Variants in MARVELD2 observed in about 807,000 individuals in gnomAD.
MARVELD2 encodes the protein MARVEL domain containing 2.
A neutral mutation model predicts 57.6 loss-of-function variants in MARVELD2; 49 were observed. The ratio of observed to expected loss-of-function variants is 0.85; its 90% CI spans 0.68 to 1.08. MARVELD2 has a LOEUF of 1.08. Among genes scored for constraint, MARVELD2 ranks in the 50% least tolerant of loss-of-function variants. The pLI is 0.00. For missense variants in MARVELD2, 606 were observed against 701.1 expected (o/e 0.86, Z 1.53); for synonymous variants, 238 against 258.8 (o/e 0.92, Z 0.77).
At chr5:69,418,043 G>A (rs975847313) in intron 1 of MARVELD2, among the ~76,000 whole-genome samples, 2 of 152,128 alleles carry the variant, frequency 1.3e-5, no homozygotes, top group African/African-American at 2.4e-5. Flanking sequence ...GGGAGATTGA[G>A]GCTGCAGTGA....
chr5:69,430,087 G>C (rs889805205), intron 3 of MARVELD2, among the ~76,000 whole-genome samples: 2 of 151,846 alleles, frequency 1.3e-5, no homozygotes, highest in African/African-American at 4.8e-5. Context: ...TTATTTTTTG[G>C]CCAGGCACTG....
chr5:69,419,844 G>A lies in MARVELD2; in HGVS notation c.459G>A (p.Val153=). 6.2e-7 allele frequency: 1 copy of A among 1,614,198 alleles called. No individual in the cohort carries two copies. Among genetic ancestry groups the A allele is most frequent in the Non-Finnish European group, 8.5e-7 (1 of 1,180,048 alleles). The change falls in exon 2 of 7, where the codon GTG becomes GTA. Residue 153 remains valine, a synonymous_variant. Transcript: ENST00000325631. ...TFSSRKEADA[V]FPRDPYGSLD... is the part of the protein sequence containing the mutation. Reference sequence around the variant, plus strand: ...GTTCCCGGAAAGAGGCTGACGCAGTGTTTCCCCGGGATCCCTATGGATCTC... The same window carrying A: ...GTTCCCGGAAAGAGGCTGACGCAGTATTTCCCCGGGATCCCTATGGATCTC...
chr5:69,435,821 C>A (rs1468511036), intron 5 of MARVELD2, among the ~76,000 whole-genome samples: 2 of 150,700 alleles, frequency 1.3e-5, no homozygotes, highest in East Asian at 2.0e-4. Flanking sequence ...ATTCTCAGCT[C>A]TGTCCAACCA....
Position 69,432,548 on chromosome 5 carries a change from G to T in MARVELD2, c.1204G>T (p.Asp402Tyr), listed in dbSNP as rs727503160. The T allele has an allele frequency of 1.2e-6, 2 of 1,614,150 alleles. No homozygotes were observed. The highest frequency in any genetic ancestry group is 1.1e-5 in the South Asian group (1 of 91,080). ...RKMCEMATSGDRQRDSEVNFK... is the reference protein window; with the variant it reads ...RKMCEMATSGYRQRDSEVNFK... ...GCAGTGTGAAATGGCCACCAGTGGTGACAGACAAAGAGACTCAGAAGTTAA... is the reference window on the plus strand; with the variant it reads ...GCAGTGTGAAATGGCCACCAGTGGTTACAGACAAAGAGACTCAGAAGTTAA... The change falls in exon 4 of 7, where the codon GAC (aspartate) becomes TAC (tyrosine). Residue 402 changes from aspartate to tyrosine, a missense_variant. Asp to Tyr is a radical substitution (Grantham distance 160, BLOSUM62 -3). Coordinates refer to ENST00000325631, the MANE Select transcript of MARVELD2 (RefSeq NM_001038603.3).
intron 3 of MARVELD2, among the ~76,000 whole-genome samples, chr5:69,428,675 A>G (rs1033967110): frequency 1.3e-5 from 2 of 152,154 alleles, no homozygotes; most frequent in Non-Finnish European, 2.9e-5. Context: ...AATTTTATGT[A>G]GAAAACAAAT....
chr5:69,429,556 C>T (rs1766894255), intron 3 of MARVELD2, among the ~76,000 whole-genome samples: 1 of 152,138 alleles, frequency 6.6e-6, no homozygotes, highest in African/African-American at 2.4e-5. Flanking sequence ...TTTCCAGTAG[C>T]AGTATGGCAT....
chr5:69,437,967 C>T (rs1170841340), intron 5 of MARVELD2, among the ~76,000 whole-genome samples: 1 of 152,152 alleles, frequency 6.6e-6, no homozygotes, highest in African/African-American at 2.4e-5. Flanking sequence ...AGTGTATCCT[C>T]CAGTCCTTAT....
chr5:69,426,170 T>A (rs1262551059), intron 3 of MARVELD2, among the ~76,000 whole-genome samples: 1 of 151,826 alleles, frequency 6.6e-6, no homozygotes, highest in African/African-American at 2.4e-5. Context: ...ATCTGTGAGA[T>A]TGCAATAATA....
intron 3 of MARVELD2, 42 bp from the exon 4 acceptor site, chr5:69,432,485 C>T: frequency 1.2e-6 from 2 of 1,605,422 alleles, no homozygotes; most frequent in East Asian, 4.5e-5. Context: ...TTTTTTTCTA[C>T]TTATGTTTAT....
Position 69,419,368 on chromosome 5 carries a change from C to G in MARVELD2, c.-15-3C>G, listed in dbSNP as rs776325616. On this transcript the variant is annotated splice_polypyrimidine_tract_variant and splice_region_variant and intron_variant, in intron 1 of 6. Coordinates refer to ENST00000325631, the MANE Select transcript of MARVELD2 (RefSeq NM_001038603.3). The stretch of plus-strand genomic sequence containing the variant: ...TAAGTGATAACTTTAAATTTGGCCA[C>G]AGGTGTGAAAATCACAAATGTCAAA... The G allele has an allele frequency of 1.3e-5, 21 of 1,613,988 alleles. No individual in the cohort carries two copies. The Admixed American group carries it at 3.3e-4, about 26-fold the overall frequency.
intron 3 of MARVELD2, among the ~76,000 whole-genome samples, chr5:69,425,141 A>G (rs1311718094): frequency 1.3e-5 from 2 of 150,776 alleles, no homozygotes; most frequent in Non-Finnish European, 3.0e-5. Flanking sequence ...AACTATCGCA[A>G]GAACAAAAAA....
chr5:69,431,370 C>T (rs972681169), intron 3 of MARVELD2, among the ~76,000 whole-genome samples: 2 of 152,100 alleles, frequency 1.3e-5, no homozygotes, highest in African/African-American at 4.8e-5. Flanking sequence ...ACCTCGGCCT[C>T]CCAAGGTGCT....
intron 3 of MARVELD2, among the ~76,000 whole-genome samples, chr5:69,425,889 C>T (rs1030528403): frequency 5.3e-5 from 8 of 151,644 alleles, no homozygotes; most frequent in Admixed American, 3.3e-4. Context: ...CCACCGCGGC[C>T]GGCTAATTTT....
intron 4 of MARVELD2, 80 bp downstream of exon 4, chr5:69,432,755 A>C: frequency 6.3e-7 from 1 of 1,595,272 alleles, no homozygotes; most frequent in East Asian, 2.2e-5. Flanking sequence ...GTTTGTCTCC[A>C]AGTTAATACT....
chr5:69,435,893 A>G (rs562806673), intron 5 of MARVELD2, among the ~76,000 whole-genome samples: 1 of 152,006 alleles, frequency 6.6e-6, no homozygotes, highest in Non-Finnish European at 1.5e-5. Context: ...ATTTCATATC[A>G]ATCTTTTGTG....
chr5:69,433,313 C>T (rs1767029233), intron 5 of MARVELD2, among the ~76,000 whole-genome samples: 1 of 151,636 alleles, frequency 6.6e-6, no homozygotes, highest in South Asian at 2.1e-4. Flanking sequence ...CAGGCACATG[C>T]CACCACACGT....
At chr5:69,418,471 C>T (rs1766496495) in intron 1 of MARVELD2, among the ~76,000 whole-genome samples, 1 of 152,198 alleles carries the variant, frequency 6.6e-6, no homozygotes, top group Admixed American at 6.5e-5. Flanking sequence ...TCCTTGGGAA[C>T]AGTAAATCAC....
chr5:69,427,374 A>G lies in MARVELD2; in HGVS notation c.1182+2738A>G, dbSNP rs180852459. Among the ~76,000 whole-genome samples the G allele has an allele frequency of 1.1e-4, 17 of 151,734 alleles. No individual in the cohort carries two copies. The East Asian group carries it at 3.1e-3, about 28-fold the overall frequency. On this transcript the variant is annotated intron_variant, in intron 3 of 6. Transcript: ENST00000325631. ...ATTGGAGAAATAAATGCATACTGAA[A>G]CACATAGCTAGTTCTCCCTATATCT...
chr5:69,428,221 G>GACCTTCTGC (rs763187785), intron 3 of MARVELD2, among the ~76,000 whole-genome samples: 3 of 115,496 alleles, frequency 2.6e-5, no homozygotes, highest in African/African-American at 6.2e-5. Context: ...AAAAATTTAG[G>GACCTTCTGC]CCGGGCATGG....
Sources: gnomAD v4.1 joint callset for allele counts (sites outside exome capture counted in the v4.1 genomes callset) on GRCh38, gnomAD v4.1.1 for gene constraint, MANE v1.5 for transcripts, NCBI Gene and HGNC (gene_info 2026-07-23, HGNC 2026-07-21) for gene names.